The following PRUNE2 variants were observed in gnomAD, a reference collection of about 807,000 sequenced individuals.
PRUNE2 encodes the protein protein prune homolog 2.
A neutral mutation model predicts 252.0 loss-of-function variants in PRUNE2; 164 were observed. That is an observed-to-expected ratio of 0.65 (90% CI 0.57 to 0.74). The LOEUF (loss-of-function observed/expected upper bound fraction) is 0.74. Among genes scored for constraint, PRUNE2 ranks in the 30% least tolerant of loss-of-function variants. PRUNE2 has a pLI of 0.00. For missense variants in PRUNE2, 3,495 were observed against 3,711.0 expected, an observed-to-expected ratio of 0.94 and a Z score of 1.51; for synonymous variants, 1,292 against 1,350.2, an observed-to-expected ratio of 0.96 and a Z score of 0.94.
intron 18 of PRUNE2, among the ~76,000 whole-genome samples, 160 bp from the exon 19 acceptor site, chr9:76,614,760 ATCC>A (rs533229139): frequency 1.4e-4 from 22 of 152,352 alleles, no homozygotes; most frequent in Admixed American, 3.9e-4. Flanking sequence ...GTAAAACCCA[ATCC>A]TCCTCTTGTC....
intron 1 of PRUNE2, chr9:76,868,848 G>GA (rs2061007819): frequency 8.6e-6 from 1 of 116,904 alleles, no homozygotes; most frequent in South Asian, 3.6e-4. Flanking sequence ...GGGGGGGGGG[G>GA]CGGGGGGGAA....
intron 1 of PRUNE2, 42 bp from the exon 2 acceptor site, chr9:76,854,250 C>T (rs41304224): frequency 7.8e-4 from 817 of 1,051,494 alleles, no homozygotes; most frequent in Non-Finnish European, 9.9e-4. Flanking sequence ...TAACAGGTGA[C>T]AGATTAATAT....
intron 6 of PRUNE2, among the ~76,000 whole-genome samples, chr9:76,746,734 A>AC (rs1423259574): frequency 2.7e-5 from 4 of 149,350 alleles, no homozygotes; most frequent in Non-Finnish European, 4.5e-5. Context: ...AAAAAAAAAA[A>AC]AAAAAAACCC....
chr9:76,888,663 G>GTT (rs1480419250), intron 1 of PRUNE2, among the ~76,000 whole-genome samples: 1 of 151,686 alleles, frequency 6.6e-6, no homozygotes, highest in Non-Finnish European at 1.5e-5. Flanking sequence ...ACTGTGAATG[G>GTT]TTTTGTCTTA....
chr9:76,711,351 C>T lies in PRUNE2; in HGVS notation c.923G>A (p.Cys308Tyr), dbSNP rs760447635. ...AGGGTTCTGACACTCTTCCAGCTCA[C>T]AGCAAATCTGTCGGAAGGCACAGGA... ...ENMELCSQIC[C>Y]ELEECQNPCL... is the part of the protein sequence containing the mutation. Residue 308 changes from cysteine (C) to tyrosine (Y), a missense_variant, in exon 8 of 19, where the codon TGT becomes TAT. Coordinates refer to ENST00000376718, the MANE Select transcript of PRUNE2 (RefSeq NM_015225.3). The T allele has an allele frequency of 4.4e-6, 7 of 1,608,014 alleles. No individual in the cohort carries two copies. The South Asian group carries it at 5.5e-5, about 13-fold the overall frequency.
chr9:76,832,968 AG>A (rs1195481549), intron 4 of PRUNE2, among the ~76,000 whole-genome samples: 1 of 152,158 alleles, frequency 6.6e-6, no homozygotes, highest in African/African-American at 2.4e-5. Flanking sequence ...CAAAATTGGC[AG>A]AAAAAGAAAT....
chr9:76,638,142 C>T, intron 13 of PRUNE2, 44 bp downstream of exon 13: 1 of 1,232,022 alleles, frequency 8.1e-7, no homozygotes, highest in South Asian at 1.2e-5. Context: ...CCATTACATG[C>T]CACAGACATT....
chr9:76,791,173 A>ATACTG (rs2055514523), intron 6 of PRUNE2, among the ~76,000 whole-genome samples: 2 of 152,198 alleles, frequency 1.3e-5, no homozygotes, highest in Admixed American at 1.3e-4. Context: ...TGGTGACTAC[A>ATACTG]TACTGTAATA....
At chr9:76,688,821 T>C (rs1198413730) in intron 9 of PRUNE2, among the ~76,000 whole-genome samples, 3 of 152,224 alleles carry the variant, frequency 2.0e-5, no homozygotes, top group Non-Finnish European at 1.5e-5. Flanking sequence ...AATCCATCCT[T>C]AGCTTCTCCA....
At chr9:76,867,151 C>T (rs1392299569) in intron 1 of PRUNE2, among the ~76,000 whole-genome samples, 3 of 152,116 alleles carry the variant, frequency 2.0e-5, no homozygotes, top group Non-Finnish European at 2.9e-5. Flanking sequence ...TCCCACGCAC[C>T]TTTCTCCTCC....
intron 6 of PRUNE2, among the ~76,000 whole-genome samples, chr9:76,818,199 A>T (rs1368862617): frequency 6.6e-6 from 1 of 152,210 alleles, no homozygotes; most frequent in Non-Finnish European, 1.5e-5. Flanking sequence ...AATACTCTAC[A>T]GGTACTTTCA....
intron 6 of PRUNE2, among the ~76,000 whole-genome samples, chr9:76,747,848 T>C (rs902537216): frequency 2.0e-5 from 3 of 150,374 alleles, no homozygotes; most frequent in African/African-American, 7.3e-5. Context: ...CAGGCTGGAG[T>C]GCATTGGAGC....
chr9:76,627,082 C>T (rs910157349), intron 16 of PRUNE2, among the ~76,000 whole-genome samples: 2 of 143,146 alleles, frequency 1.4e-5, no homozygotes, highest in Non-Finnish European at 1.6e-5. Context: ...TGAGTGTTTC[C>T]ATACTTCTTC....
chr9:76,790,892 C>A (rs184998086), intron 6 of PRUNE2, among the ~76,000 whole-genome samples: 84 of 152,254 alleles, frequency 5.5e-4, no homozygotes, highest in African/African-American at 2.0e-3. Flanking sequence ...CTTCCAAATA[C>A]AATGGAAGAC....
chr9:76,872,584 CATG>C lies in PRUNE2; in HGVS notation c.37-18379_37-18377del, dbSNP rs1025323595. 3.6e-4 allele frequency among the ~76,000 whole-genome samples: 52 copies of C among 145,814 alleles called. 1 individual carries two copies. Among genetic ancestry groups the C allele is most frequent in the African/African-American group, 1.3e-3 (49 of 38,792 alleles). On this transcript the variant is annotated intron_variant, in intron 1 of 18. Transcript: ENST00000376718. ...TCATTAAGTTAAAAAAACAATTTTA[CATG>C]ATGATTATGGAAAACACACACACAC...
At chr9:76,696,182 C>T (rs566861997) in intron 9 of PRUNE2, among the ~76,000 whole-genome samples, 24 of 152,282 alleles carry the variant, frequency 1.6e-4, no homozygotes, top group African/African-American at 5.8e-4. Flanking sequence ...CCCAATCCTG[C>T]ACTGACTTTT....
rs910411816 is a variant in PRUNE2 at position 76,711,263 on chromosome 9, GTCC to G, written c.1008_1010del (p.Glu336del). 1 of 1,613,834 alleles carries G rather than the reference GTCC, an allele frequency of 6.2e-7. No individual in the cohort carries two copies. Among genetic ancestry groups the G allele is most frequent in the South Asian group, 1.1e-5 (1 of 91,064 alleles). On this transcript the variant is annotated inframe_deletion, in exon 8 of 19. Coordinates refer to ENST00000376718, the MANE Select transcript of PRUNE2 (RefSeq NM_015225.3). ...CCACCTGATCACAAGTCACTGAAGG[GTCC>G]TCTTGTTGGTACACCAGGATCTCAT...
rs1312969211 is a variant in PRUNE2, at chr9:76,710,194, T to A, written c.2080A>T (p.Ile694Phe). ...ACAGAATCTGAGGCTCTCCTATCAA[T>A]GGAGCTTGGCTTATGCTCTTTCCAT... is the stretch of plus-strand genomic sequence containing the variant. ...ESWKEHKPSS[I>F]DRRASDSVFQ... The change falls in exon 8 of 19, where the codon ATT becomes TTT. Residue 694 changes from isoleucine (I) to phenylalanine (F), a missense_variant. Transcript: ENST00000376718. 1 of 1,613,940 alleles carries A rather than the reference T, an allele frequency of 6.2e-7. No homozygotes were observed. Among genetic ancestry groups the A allele is most frequent in the Admixed American group, 1.7e-5 (1 of 60,024 alleles).
intron 1 of PRUNE2, among the ~76,000 whole-genome samples, chr9:76,890,156 C>T (rs2062379577): frequency 6.6e-6 from 1 of 152,228 alleles, no homozygotes; most frequent in Admixed American, 6.5e-5. Flanking sequence ...AGTTACTTGA[C>T]CTCTTTGAGC....
Sources: allele counts gnomAD v4.1 joint callset (sites outside exome capture counted in the v4.1 genomes callset), GRCh38; gene constraint gnomAD v4.1.1; transcripts MANE v1.5; gene names NCBI Gene and HGNC (gene_info 2026-07-23, HGNC 2026-07-21).